Variants in PTPRD observed in about 807,000 individuals in gnomAD.
PTPRD encodes the protein receptor-type tyrosine-protein phosphatase delta.
In PTPRD, 34 loss-of-function variants were observed where a neutral mutation model predicts 214.5. That is an observed-to-expected ratio of 0.16 (90% confidence interval 0.12 to 0.21). PTPRD has a LOEUF of 0.21. Ranked by LOEUF, PTPRD falls within the 10% of genes least tolerant of loss-of-function variation. The probability of loss-of-function intolerance (pLI) is 1.00; values close to 1 mark genes in which losing one functional copy is unlikely to be tolerated. For synonymous variants in PTPRD, 1,128 were observed against 845.7 expected (o/e 1.33, Z -5.79); for missense variants, 2,545 against 2,398.7 (o/e 1.06, Z -1.27).
chr9:8,376,463 T>G, intron 38 of PTPRD, 144 bp downstream of exon 38: 1 of 1,209,174 alleles, frequency 8.3e-7, no homozygotes, highest in Non-Finnish European at 1.2e-6. Flanking sequence ...AATGGCTGAG[T>G]GATAATGGAA....
intron 8 of PTPRD, among the ~76,000 whole-genome samples, chr9:9,406,584 G>A (rs80101644): frequency 7.0e-4 from 107 of 151,908 alleles, no homozygotes; most frequent in African/African-American, 2.5e-3. Flanking sequence ...AAACTGATAA[G>A]AGGGAGAATT....
chr9:10,177,516 A>G (rs1384247290), intron 3 of PTPRD, among the ~76,000 whole-genome samples: 2 of 151,694 alleles, frequency 1.3e-5, no homozygotes, highest in African/African-American at 4.8e-5. Flanking sequence ...GTGGCAGTAT[A>G]GAAAACAAAT....
intron 7 of PTPRD, among the ~76,000 whole-genome samples, chr9:9,717,166 T>C (rs1020804660): frequency 7.2e-5 from 11 of 152,152 alleles, no homozygotes; most frequent in Admixed American, 5.2e-4. Context: ...GTTGTAGATA[T>C]GCGGCGTTAT....
chr9:9,671,910 C>G (rs529312615), intron 7 of PTPRD, among the ~76,000 whole-genome samples: 2 of 152,250 alleles, frequency 1.3e-5, no homozygotes, highest in African/African-American at 4.8e-5. Flanking sequence ...CACAAACATT[C>G]CTGTATAAAC....
chr9:8,674,288 T>C lies in PTPRD; in HGVS notation c.65-37444A>G, dbSNP rs1283359760. On this transcript the variant is annotated intron_variant, in intron 12 of 45. Transcript: ENST00000381196. ...TCCTGGCCAACATGGTGAAACCCCG[T>C]CTCTACTAAAAACACAAAAATTAGC... Among the ~76,000 whole-genome samples, 8 of 151,666 alleles carry C rather than the reference T, an allele frequency of 5.3e-5. No individual in the cohort carries two copies. In the East Asian group the frequency reaches 7.8e-4, roughly 15 times the overall value.
chr9:9,309,832 C>T (rs1595568731), intron 9 of PTPRD, among the ~76,000 whole-genome samples: 1 of 152,076 alleles, frequency 6.6e-6, no homozygotes, highest in Admixed American at 6.6e-5. Flanking sequence ...CTTTTTACTC[C>T]AATCTTGGAA....
At chr9:10,355,188 T>A (rs1195040371) in intron 2 of PTPRD, among the ~76,000 whole-genome samples, 2 of 152,184 alleles carry the variant, frequency 1.3e-5, no homozygotes, top group Admixed American at 6.5e-5. Flanking sequence ...TAATTTAAGT[T>A]ATTAAGAAAC....
chr9:9,994,450 T>A (rs2096057404), intron 4 of PTPRD, among the ~76,000 whole-genome samples: 1 of 152,176 alleles, frequency 6.6e-6, no homozygotes, highest in Non-Finnish European at 1.5e-5. Flanking sequence ...AGAACTGACG[T>A]CTTATCTGTT....
chr9:10,531,710 C>T (rs1356128392), intron 2 of PTPRD, among the ~76,000 whole-genome samples: 4 of 152,096 alleles, frequency 2.6e-5, no homozygotes, highest in African/African-American at 7.2e-5. Context: ...CATGCCATGG[C>T]TCAACTGGGT....
intron 3 of PTPRD, among the ~76,000 whole-genome samples, chr9:10,292,592 C>A (rs1297683636): frequency 6.6e-6 from 1 of 151,886 alleles, no homozygotes; most frequent in Non-Finnish European, 1.5e-5. Context: ...AGAGAGGAAC[C>A]AACTGTTATT....
chr9:9,486,295 G>A (rs1042131081), intron 8 of PTPRD, among the ~76,000 whole-genome samples: 9 of 150,046 alleles, frequency 6.0e-5, no homozygotes, highest in Admixed American at 2.7e-4. Flanking sequence ...TTCAAACAAG[G>A]ATGGATTGTT....
chr9:8,636,113 G>A (rs2096424283), intron 13 of PTPRD, among the ~76,000 whole-genome samples: 1 of 152,152 alleles, frequency 6.6e-6, no homozygotes, highest in Non-Finnish European at 1.5e-5. Flanking sequence ...TAAAACACAG[G>A]TGCGAGGGGC....
At chr9:9,686,867 A>G (rs928097140) in intron 7 of PTPRD, among the ~76,000 whole-genome samples, 1 of 151,772 alleles carries the variant, frequency 6.6e-6, no homozygotes, top group Non-Finnish European at 1.5e-5. Context: ...TTTGAGAGCA[A>G]TGATTCTTAG....
chr9:9,843,383 TTCTG>T (rs1308078819), intron 5 of PTPRD, among the ~76,000 whole-genome samples: 5 of 152,128 alleles, frequency 3.3e-5, no homozygotes, highest in African/African-American at 9.6e-5. Context: ...TAAGCACACT[TTCTG>T]TCTGTTTCTC....
intron 12 of PTPRD, among the ~76,000 whole-genome samples, chr9:8,697,417 C>CTTTTTTTTTTTTTTTTTTTTTTTTAT (rs752677458): frequency 2.8e-4 from 18 of 63,240 alleles, no homozygotes; most frequent in Admixed American, 3.9e-4. Flanking sequence ...TTTTTATGTA[C>CTTTTTTTTTTTTTTTTTTTTTTTTAT]TTTTTTTTTT....
intron 3 of PTPRD, among the ~76,000 whole-genome samples, chr9:10,248,115 C>T (rs2092371398): frequency 6.6e-6 from 1 of 152,112 alleles, no homozygotes; most frequent in African/African-American, 2.4e-5. Flanking sequence ...CCATGTGGAA[C>T]TGTAAGTCCA....
chr9:9,604,345 A>C (rs1264637353), intron 7 of PTPRD, among the ~76,000 whole-genome samples: 1 of 152,142 alleles, frequency 6.6e-6, no homozygotes, highest in African/African-American at 2.4e-5. Context: ...TTAATATTCA[A>C]CTTAAGCAAG....
At chr9:8,890,689 C>T (rs981032593) in intron 11 of PTPRD, among the ~76,000 whole-genome samples, 2 of 152,200 alleles carry the variant, frequency 1.3e-5, no homozygotes, top group Non-Finnish European at 2.9e-5. Context: ...TTTTACTTTT[C>T]TCTCCTTTGA....
At chr9:9,980,183 TAAAC>T (rs2095491334) in intron 4 of PTPRD, among the ~76,000 whole-genome samples, 1 of 152,086 alleles carries the variant, frequency 6.6e-6, no homozygotes, top group Non-Finnish European at 1.5e-5. Flanking sequence ...GCTATTTTGA[TAAAC>T]AAAAATTAAC....
Sources: allele counts gnomAD v4.1 joint callset (sites outside exome capture counted in the v4.1 genomes callset), GRCh38; gene constraint gnomAD v4.1.1; transcripts MANE v1.5; gene names NCBI Gene and HGNC (gene_info 2026-07-23, HGNC 2026-07-21).